The following CSMD1 variants were observed in gnomAD, a reference collection of about 807,000 sequenced individuals.
The protein encoded by CSMD1 is CUB and sushi domain-containing protein 1.
A neutral mutation model predicts 417.5 loss-of-function variants in CSMD1; 213 were observed. The observed-to-expected ratio is 0.51, with a 90% CI of 0.46 to 0.57. CSMD1 has a LOEUF of 0.57. Ranked by LOEUF, CSMD1 falls within the 20% of genes least tolerant of loss-of-function variation. The pLI, the probability that CSMD1 is intolerant of heterozygous loss-of-function variation, is 0.00. For synonymous variants in CSMD1, 2,862 were observed against 1,736.8 expected (o/e 1.65, Z -16.11); for missense variants, 6,923 against 4,529.7 (o/e 1.53, Z -15.17).
At chr8:4,946,235 A>G (rs149400236) in intron 1 of CSMD1, among the ~76,000 whole-genome samples, 1 of 152,324 alleles carries the variant, frequency 6.6e-6, no homozygotes, top group African/African-American at 2.4e-5. Context: ...CTGTCTTGTT[A>G]CGTTCTCAGA....
chr8:4,352,752 T>C (rs556049503), intron 3 of CSMD1, among the ~76,000 whole-genome samples: 25 of 152,350 alleles, frequency 1.6e-4, no homozygotes, highest in Non-Finnish European at 2.9e-4. Flanking sequence ...AGTCATTTGA[T>C]GGAAACCATG....
At chr8:4,032,953 T>G (rs576372769) in intron 3 of CSMD1, among the ~76,000 whole-genome samples, 69 of 152,046 alleles carry the variant, frequency 4.5e-4, no homozygotes, top group South Asian at 8.3e-4. Context: ...TAGAACAGGC[T>G]CCTCAATTCC....
chr8:3,545,651 G>T (rs932167560), intron 10 of CSMD1, among the ~76,000 whole-genome samples: 2 of 152,120 alleles, frequency 1.3e-5, no homozygotes, highest in African/African-American at 4.8e-5. Flanking sequence ...CATCAGCGGT[G>T]GACAACTTAC....
rs149685635 is a variant in CSMD1 at position 3,561,179 on chromosome 8, A to G, written c.1344+13766T>C. On this transcript the variant is annotated intron_variant, in intron 10 of 69. Coordinates refer to ENST00000635120, the MANE Select transcript of CSMD1 (RefSeq NM_033225.6). ...CAAGGATGTGCAGAAAGCAAATACT[A>G]TTGGTAGCAATGTAAATGAGTAAGC... Among the ~76,000 whole-genome samples the G allele has an allele frequency of 5.8e-3, 890 of 152,318 alleles. 8 individuals are homozygous for G. The highest frequency in any genetic ancestry group is 5.4e-3 in the Non-Finnish European group (365 of 68,022).
chr8:4,843,465 G>C (rs1219953172), intron 1 of CSMD1, among the ~76,000 whole-genome samples: 3 of 151,984 alleles, frequency 2.0e-5, no homozygotes, highest in African/African-American at 4.8e-5. Flanking sequence ...AAAACCGAGA[G>C]AGAAATTGTG....
At chr8:3,137,480 G>A (rs1439469813) in intron 41 of CSMD1, among the ~76,000 whole-genome samples, 1 of 152,214 alleles carries the variant, frequency 6.6e-6, no homozygotes. Context: ...AGCGCGGAGC[G>A]AGGTAAAACA....
At chr8:4,803,118 A>G (rs1798396529) in intron 1 of CSMD1, among the ~76,000 whole-genome samples, 1 of 152,190 alleles carries the variant, frequency 6.6e-6, no homozygotes, top group Admixed American at 6.5e-5. Flanking sequence ...AAGATCATGT[A>G]TATGATTTTT....
chr8:4,012,615 G>C (rs1001772142), intron 4 of CSMD1, among the ~76,000 whole-genome samples: 2 of 152,030 alleles, frequency 1.3e-5, no homozygotes, highest in African/African-American at 2.4e-5. Context: ...TATGTCATCT[G>C]TATGTCTACA....
chr8:4,077,373 T>G (rs557958596), intron 3 of CSMD1, among the ~76,000 whole-genome samples: 1 of 147,318 alleles, frequency 6.8e-6, no homozygotes, highest in East Asian at 1.9e-4. Context: ...GAGGTATCTT[T>G]TAATGGTTCC....
At chr8:4,856,362 G>A (rs1385707459) in intron 1 of CSMD1, among the ~76,000 whole-genome samples, 1 of 144,468 alleles carries the variant, frequency 6.9e-6, no homozygotes, top group African/African-American at 2.7e-5. Context: ...ATCAACTAAC[G>A]AGCAAAATAA....
intron 2 of CSMD1, among the ~76,000 whole-genome samples, chr8:4,460,656 G>A (rs754600424): frequency 1.5e-5 from 2 of 130,990 alleles, no homozygotes; most frequent in South Asian, 4.2e-4. Flanking sequence ...AGATATTTAA[G>A]AAGAAGACTG....
At chr8:3,316,554 C>T (rs1042977047) in intron 23 of CSMD1, among the ~76,000 whole-genome samples, 2 of 152,040 alleles carry the variant, frequency 1.3e-5, no homozygotes, top group Non-Finnish European at 2.9e-5. Context: ...TTGAGCAGGT[C>T]TAGGGGCCTC....
chr8:3,254,055 T>G (rs2117047843), intron 26 of CSMD1, among the ~76,000 whole-genome samples: 1 of 152,320 alleles, frequency 6.6e-6, no homozygotes, highest in South Asian at 2.1e-4. Flanking sequence ...CAGGAGCTCT[T>G]GTAGGGCAGG....
At chr8:4,832,534 G>A (rs551294976) in intron 1 of CSMD1, among the ~76,000 whole-genome samples, 4 of 152,268 alleles carry the variant, frequency 2.6e-5, no homozygotes, top group Non-Finnish European at 5.9e-5. Flanking sequence ...AAAACATGGA[G>A]GCATGAGGTA....
chr8:3,409,100 T>C (rs1191262806), intron 13 of CSMD1, among the ~76,000 whole-genome samples: 1 of 152,202 alleles, frequency 6.6e-6, no homozygotes, highest in African/African-American at 2.4e-5. Flanking sequence ...AAGGACTCTG[T>C]TGCTGTACTG....
intron 18 of CSMD1, among the ~76,000 whole-genome samples, chr8:3,376,770 T>C (rs1810333087): frequency 7.0e-6 from 1 of 143,014 alleles, no homozygotes; most frequent in Non-Finnish European, 1.5e-5. Context: ...TCGTGTTTCA[T>C]GTTGATATAC....
chr8:3,524,900 A>C (rs967867810), intron 10 of CSMD1, among the ~76,000 whole-genome samples: 18 of 152,088 alleles, frequency 1.2e-4, no homozygotes, highest in African/African-American at 4.4e-4. Flanking sequence ...GTGGAGTTAA[A>C]AATAGTAATA....
chr8:3,467,436 A>G (rs868165448), intron 12 of CSMD1, among the ~76,000 whole-genome samples: 7 of 152,238 alleles, frequency 4.6e-5, no homozygotes, highest in Admixed American at 3.3e-4. Context: ...CAGTCACATA[A>G]AAGTTCAATT....
chr8:4,367,727 T>C (rs1204117629), intron 3 of CSMD1, among the ~76,000 whole-genome samples: 1 of 152,234 alleles, frequency 6.6e-6, no homozygotes, highest in Non-Finnish European at 1.5e-5. Flanking sequence ...CTGTCATCTC[T>C]GATTTCTTTC....
Sources: gnomAD v4.1 joint callset for allele counts (sites outside exome capture counted in the v4.1 genomes callset) on GRCh38, gnomAD v4.1.1 for gene constraint, MANE v1.5 for transcripts, NCBI Gene and HGNC (gene_info 2026-07-23, HGNC 2026-07-21) for gene names.